Variants in SPATA22 observed in about 807,000 individuals in gnomAD.
SPATA22 encodes spermatogenesis associated 22, also known as spermatogenesis-associated protein 22.
In SPATA22, 29 loss-of-function variants were observed where a neutral mutation model predicts 47.8. The observed-to-expected ratio is 0.61, with a 90% CI of 0.45 to 0.83. The LOEUF (loss-of-function observed/expected upper bound fraction) is 0.83, where lower values mean the gene tolerates loss of function less well. SPATA22 is among the 40% of genes least tolerant of loss of function. SPATA22 has a pLI of 0.00. For synonymous variants in SPATA22, 133 were observed against 140.9 expected, an observed-to-expected ratio of 0.94 and a Z score of 0.40; for missense variants, 410 against 421.7, an observed-to-expected ratio of 0.97 and a Z score of 0.24.
At chr17:3,510,563 T>C (rs1046358897) in intron 1 of SPATA22, 1 of 152,230 alleles carries the variant, frequency 6.6e-6, no homozygotes, top group Non-Finnish European at 1.5e-5. Context: ...GGCACAAACA[T>C]GTTCTTACTC....
chr17:3,512,578 C>A (rs1201057462), intron 1 of SPATA22: 1 of 152,152 alleles, frequency 6.6e-6, no homozygotes, highest in African/African-American at 2.4e-5. Flanking sequence ...CCACCTCGAA[C>A]ATTTTTACAT....
At chr17:3,496,038 C>T (rs980951091) in intron 1 of SPATA22, among the ~76,000 whole-genome samples, 1 of 151,972 alleles carries the variant, frequency 6.6e-6, no homozygotes, top group Non-Finnish European at 1.5e-5. Flanking sequence ...AAAAATAATC[C>T]CAGGCAGACG....
intron 1 of SPATA22, among the ~76,000 whole-genome samples, chr17:3,492,248 C>A (rs2073838200): frequency 6.6e-6 from 1 of 152,186 alleles, no homozygotes; most frequent in Non-Finnish European, 1.5e-5. Context: ...TGTAAGAAGT[C>A]ATCTTCTGCA....
chr17:3,462,692 T>C lies in SPATA22; in HGVS notation c.233+15A>G, dbSNP rs1361171990. ...TAACAGACACACATCCAATGGTTTATATTTCTCCACATACCCGGTGTCCAC... is the reference window on the plus strand; with the variant it reads ...TAACAGACACACATCCAATGGTTTACATTTCTCCACATACCCGGTGTCCAC... On this transcript the variant is annotated intron_variant, in intron 4 of 8. Transcript: ENST00000572969. 25 of 1,608,634 alleles carry C rather than the reference T, an allele frequency of 1.6e-5. No individual in the cohort carries two copies. The highest frequency in any genetic ancestry group is 1.6e-4 in the Middle Eastern group (1 of 6,066).
chr17:3,493,945 T>C (rs2073867508), intron 1 of SPATA22, among the ~76,000 whole-genome samples: 1 of 152,182 alleles, frequency 6.6e-6, no homozygotes, highest in African/African-American at 2.4e-5. Context: ...TAACTAAACG[T>C]TATCTGTTCT....
Position 3,471,698 on chromosome 17 carries a change from G to A in SPATA22, c.-90C>T, listed in dbSNP as rs936121393. On this transcript the variant is annotated 5_prime_UTR_variant, in exon 1 of 9. Coordinates refer to ENST00000572969, the MANE Select transcript of SPATA22 (RefSeq NM_001170698.2). ...TCAACGCACAGTCTTTCCCTTCTAG[G>A]CCCTCCTGCCAACACGACACACAAC... The A allele has an allele frequency of 4.8e-5, 47 of 985,326 alleles. No homozygotes were observed. The highest frequency in any genetic ancestry group is 5.2e-5 in the Non-Finnish European group (43 of 830,000). 61.0% of individuals were successfully genotyped at this position (985,326 alleles called of 1,614,324 possible).
At chr17:3,508,896 A>G (rs973723558) in intron 1 of SPATA22, among the ~76,000 whole-genome samples, 15 of 61,818 alleles carry the variant, frequency 2.4e-4, no homozygotes, top group Non-Finnish European at 4.5e-4. Flanking sequence ...AGCTTAAAGT[A>G]TAAAAAAAAA....
chr17:3,492,154 G>T (rs1240077806), intron 1 of SPATA22, among the ~76,000 whole-genome samples: 2 of 152,186 alleles, frequency 1.3e-5, no homozygotes, highest in Non-Finnish European at 2.9e-5. Context: ...TGGGGTTACA[G>T]GCCTGCGCCA....
At chr17:3,507,427 C>T (rs2074050948) in intron 1 of SPATA22, among the ~76,000 whole-genome samples, 1 of 152,198 alleles carries the variant, frequency 6.6e-6, no homozygotes, top group Admixed American at 6.5e-5. Context: ...TATCATTGCC[C>T]ATACTTCATG....
At chr17:3,503,936 C>G (rs1472421402) in intron 1 of SPATA22, among the ~76,000 whole-genome samples, 1 of 152,092 alleles carries the variant, frequency 6.6e-6, no homozygotes, top group African/African-American at 2.4e-5. Context: ...CACTGAAGTT[C>G]AAATTCCTAG....
chr17:3,483,717 C>T (rs1459868455), intron 1 of SPATA22: 3 of 911,942 alleles, frequency 3.3e-6, no homozygotes, highest in African/African-American at 1.7e-5. Context: ...GGCTGGAGTC[C>T]GATGGTGTGA....
At chr17:3,471,048 T>C (rs1175373516) in intron 1 of SPATA22, among the ~76,000 whole-genome samples, 1 of 149,908 alleles carries the variant, frequency 6.7e-6, no homozygotes, top group African/African-American at 2.5e-5. Flanking sequence ...CCAGCTACCC[T>C]GGAGGCTGAG....
At chr17:3,491,065 G>A (rs2073816189) in intron 1 of SPATA22, among the ~76,000 whole-genome samples, 1 of 152,142 alleles carries the variant, frequency 6.6e-6, no homozygotes, top group African/African-American at 2.4e-5. Flanking sequence ...TGTGTAGAAG[G>A]GCTTCATTCT....
At chr17:3,442,212 A>G (rs2072613346) in intron 8 of SPATA22, among the ~76,000 whole-genome samples, 1 of 152,066 alleles carries the variant, frequency 6.6e-6, no homozygotes, top group South Asian at 2.1e-4. Context: ...ATATTATAGG[A>G]ATTGACAATT....
intron 1 of SPATA22, among the ~76,000 whole-genome samples, chr17:3,494,694 T>C (rs1277925305): frequency 2.6e-5 from 4 of 152,176 alleles, no homozygotes; most frequent in African/African-American, 7.2e-5. Context: ...ATGGAATTTA[T>C]AGTGTAGGTA....
chr17:3,482,073 C>T (rs1004159982), intron 1 of SPATA22, among the ~76,000 whole-genome samples: 1 of 152,026 alleles, frequency 6.6e-6, no homozygotes, highest in Non-Finnish European at 1.5e-5. Flanking sequence ...TAAAATTACA[C>T]GTTTTATCCA....
At position 3,446,590 on chromosome 17, in the gene SPATA22, C is replaced by T. The variant is rs563284311; in HGVS notation, c.684G>A (p.Leu228=). The change falls in exon 7 of 9, where the codon TTG becomes TTA. Residue 228 remains leucine (L), a synonymous_variant. Transcript: ENST00000572969. The stretch of plus-strand genomic sequence containing the variant: ...CTTTTTCCTTAAACTGTAACTGATA[C>T]AATGAGGTTTCCTTTTGAAAAAATA... ...PEDNTLKETS[L]YQLQFKEKAS... 1 of 1,554,686 alleles carries T rather than the reference C, an allele frequency of 6.4e-7. No individual in the cohort carries two copies. The highest frequency in any genetic ancestry group is 1.4e-5 in the African/African-American group (1 of 71,958).
rs104894549 is a variant in SPATA22 at position 3,494,369 on chromosome 17, C to A, written c.-74+19043G>T. Reference sequence around the variant, plus strand: ...TCATAGGAAAAGAATTTCCTCCCTGCGCCATTGAGGTCTATAAAATTATAG... The same window carrying A: ...TCATAGGAAAAGAATTTCCTCCCTGAGCCATTGAGGTCTATAAAATTATAG... On this transcript the variant is annotated intron_variant, in intron 1 of 8. Transcript: ENST00000541913. 5 of 1,611,054 alleles carry A rather than the reference C, an allele frequency of 3.1e-6. No individual in the cohort carries two copies. Among genetic ancestry groups the A allele is most frequent in the South Asian group, 2.2e-5 (2 of 91,040 alleles).
intron 1 of SPATA22, among the ~76,000 whole-genome samples, chr17:3,507,145 G>A (rs897423832): frequency 6.6e-6 from 1 of 152,134 alleles, no homozygotes; most frequent in African/African-American, 2.4e-5. Flanking sequence ...TAAAATAAGG[G>A]ATAAAACCTA....
Sources: gnomAD v4.1 joint callset for allele counts (sites outside exome capture counted in the v4.1 genomes callset) on GRCh38, gnomAD v4.1.1 for gene constraint, MANE v1.5 for transcripts, NCBI Gene and HGNC (gene_info 2026-07-23, HGNC 2026-07-21) for gene names.